GAD1: variants seen among roughly 807,000 people sequenced by gnomAD.
The protein encoded by GAD1 is glutamate decarboxylase 1.
A neutral mutation model predicts 75.2 loss-of-function variants in GAD1; 35 were observed. That is an observed-to-expected ratio of 0.47 (90% CI 0.36 to 0.62). The LOEUF is 0.62. GAD1 is among the 20% of genes least tolerant of loss of function. The pLI is 0.00. For synonymous variants in GAD1, 257 were observed against 271.9 expected, an observed-to-expected ratio of 0.95 and a Z score of 0.54; for missense variants, 490 against 758.5, an observed-to-expected ratio of 0.65 and a Z score of 4.16.
At chr2:170,820,486 C>T (rs1701844841) in intron 2 of GAD1, among the ~76,000 whole-genome samples, 1 of 152,248 alleles carries the variant, frequency 6.6e-6, no homozygotes, top group Non-Finnish European at 1.5e-5. Flanking sequence ...TCCACTCTCA[C>T]CCTCCCTTGC....
chr2:170,828,754 C>T (rs533823486), intron 3 of GAD1, among the ~76,000 whole-genome samples: 173 of 140,386 alleles, frequency 1.2e-3, no homozygotes, highest in Non-Finnish European at 2.2e-3. Context: ...CTGCTGTCCT[C>T]GCCCTCCTAC....
At chr2:170,814,532 C>T (rs1701662543), upstream of GAD1, among the ~76,000 whole-genome samples, 1 of 152,226 alleles carries the variant, frequency 6.6e-6, no homozygotes. Flanking sequence ...GCTCCTCTCC[C>T]TGCCTCACCG....
At chr2:170,817,604 CA>C (rs1316555379) in intron 1 of GAD1, 2 of 152,332 alleles carry the variant, frequency 1.3e-5, no homozygotes, top group African/African-American at 4.8e-5. Context: ...CTTCGGGCGC[CA>C]TCGCGCCAGC....
rs1454570846 is a variant in GAD1, at chr2:170,834,541, A to C, written c.548-2252A>C. On this transcript the variant is annotated intron_variant, in intron 5 of 16. Coordinates refer to ENST00000358196, the MANE Select transcript of GAD1 (RefSeq NM_000817.3). ...CAGCCTTCAGCCACAGCAGCTACTT[A>C]AGTGATTTGTAGATATGCTGGACTC... Among the ~76,000 whole-genome samples, 3 of 152,228 alleles carry C rather than the reference A, an allele frequency of 2.0e-5. No individual in the cohort carries two copies. In the East Asian group the frequency reaches 5.8e-4, roughly 29 times the overall value.
At chr2:170,828,479 ATCTCCTCCCTCTGCTG>A (rs1702100727) in intron 3 of GAD1, among the ~76,000 whole-genome samples, 1 of 28,484 alleles carries the variant, frequency 3.5e-5, no homozygotes, top group Non-Finnish European at 6.5e-5. Flanking sequence ...GCTGTCCTTG[ATCTCCTCCCTCTGCTG>A]TCCTTGATCT....
rs574796779 is a variant in GAD1 at position 170,822,497 on chromosome 2, G to A, written c.145+348G>A. 2.0e-5 allele frequency among the ~76,000 whole-genome samples: 3 copies of A among 152,348 alleles called. No individual in the cohort carries two copies. In the South Asian group the frequency reaches 6.2e-4, roughly 32 times the overall value. ...GCGCAAGCAGCTCCCACCCGGTGCC[G>A]TGCACTCTGCCTGCGCGTCCCAAAG... On this transcript the variant is annotated intron_variant, in intron 3 of 16. Transcript: ENST00000358196.
intron 15 of GAD1, among the ~76,000 whole-genome samples, chr2:170,857,524 T>C (rs1416411756): frequency 6.6e-6 from 1 of 152,126 alleles, no homozygotes; most frequent in East Asian, 1.9e-4. Flanking sequence ...GGCAGGAAGA[T>C]TGCTTGAGTC....
At chr2:170,816,604 AGCCT>A (rs1293840500), upstream of GAD1, 1 of 151,970 alleles carries the variant, frequency 6.6e-6, no homozygotes, top group Non-Finnish European at 1.5e-5. Flanking sequence ...CTCACCCGAC[AGCCT>A]GCCTATTTCC....
rs1046439247 is a variant in GAD1, at chr2:170,856,915, A to G, written c.1414-103A>G. 2.0e-4 allele frequency: 184 copies of G among 914,596 alleles called. No homozygotes were observed. In the African/African-American group the frequency reaches 2.9e-3, roughly 14 times the overall value. The allele number at this position is 914,596 out of a possible 1,614,324, so 56.7% of individuals were successfully genotyped here. On this transcript the variant is annotated intron_variant, in intron 14 of 16. Transcript: ENST00000358196. ...TTGTTCTTCCTAACCAGCTCCAAAA[A>G]TACTTTTTTTGTTTATTTCCCATAG...
intron 7 of GAD1, among the ~76,000 whole-genome samples, chr2:170,844,407 C>CTTTTTTTT (rs11327360): frequency 4.4e-4 from 55 of 124,466 alleles, no homozygotes; most frequent in East Asian, 7.0e-4. Flanking sequence ...TTTCTTTTTT[C>CTTTTTTTT]TTTTTTTTTT....
intron 3 of GAD1, among the ~76,000 whole-genome samples, chr2:170,828,252 TCTCTGCTGTCCTCACCCCTCCCCTTCC>T (rs1702085136): frequency 3.8e-5 from 3 of 79,140 alleles, no homozygotes; most frequent in South Asian, 1.0e-3. Flanking sequence ...ACCCCTCCTC[TCTCTGCTGTCCTCACCCCTCCCCTTCC>T]CTCTGCTGTC....
At chr2:170,830,272 T>G (rs1702188196) in intron 4 of GAD1, among the ~76,000 whole-genome samples, 1 of 152,030 alleles carries the variant, frequency 6.6e-6, no homozygotes. Flanking sequence ...CGTGCACAAC[T>G]GCACAGCCTG....
intron 5 of GAD1, among the ~76,000 whole-genome samples, chr2:170,833,340 A>C (rs3791857): frequency 0.25 from 38,077 of 152,216 alleles, 4,881 homozygotes; most frequent in South Asian, 0.35. Context: ...TAAATGACTG[A>C]TGGATACACA....
intron 14 of GAD1, among the ~76,000 whole-genome samples, chr2:170,854,734 A>G (rs940975775): frequency 4.6e-5 from 7 of 152,206 alleles, no homozygotes; most frequent in African/African-American, 1.4e-4. Flanking sequence ...GCTTCTCAAC[A>G]TGGGCTATGT....
chr2:170,820,440 C>G (rs989523843), intron 2 of GAD1, among the ~76,000 whole-genome samples: 3 of 152,248 alleles, frequency 2.0e-5, no homozygotes, highest in Admixed American at 2.0e-4. Flanking sequence ...GCTACGCATC[C>G]GCACCCCAGG....
intron 6 of GAD1, among the ~76,000 whole-genome samples, chr2:170,837,650 G>GTATC (rs1199645626): frequency 6.6e-6 from 1 of 152,166 alleles, no homozygotes; most frequent in Non-Finnish European, 1.5e-5. Flanking sequence ...TGTTTTACCA[G>GTATC]TATCTATACA....
At chr2:170,830,701 G>A (rs764006996) in intron 4 of GAD1, among the ~76,000 whole-genome samples, 2 of 152,292 alleles carry the variant, frequency 1.3e-5, no homozygotes, top group South Asian at 2.1e-4. Context: ...TGTTCACGGC[G>A]TCTCAGAGCA....
At chr2:170,816,049 G>T (rs1484887426), upstream of GAD1, 1 of 55,948 alleles carries the variant, frequency 1.8e-5, no homozygotes, top group Non-Finnish European at 3.3e-5. Context: ...CAGGGCAAGG[G>T]GGGCTGGTCC....
chr2:170,836,444 G>A (rs1263887643), intron 5 of GAD1, among the ~76,000 whole-genome samples: 1 of 152,132 alleles, frequency 6.6e-6, no homozygotes, highest in Non-Finnish European at 1.5e-5. Flanking sequence ...GGAGAGCTAA[G>A]TTATCTCAGC....
Sources: gnomAD v4.1 joint callset for allele counts (sites outside exome capture counted in the v4.1 genomes callset) on GRCh38, gnomAD v4.1.1 for gene constraint, MANE v1.5 for transcripts, NCBI Gene and HGNC (gene_info 2026-07-23, HGNC 2026-07-21) for gene names.